PKD1L3: variants seen among roughly 807,000 people sequenced by gnomAD.
The protein encoded by PKD1L3 is polycystin 1 like 3, transient receptor potential channel interacting, also known as polycystin-1-like protein 3.
In PKD1L3, 239 loss-of-function variants were observed where a neutral mutation model predicts 184.1. That is an observed-to-expected ratio of 1.30 (90% CI 1.17 to 1.45). PKD1L3 has a LOEUF of 1.45. Among genes scored for constraint, PKD1L3 ranks in the 40% most tolerant of loss-of-function variants. PKD1L3 has a pLI of 0.00. For synonymous variants in PKD1L3, 996 were observed against 778.8 expected, an observed-to-expected ratio of 1.28 and a Z score of -4.64; for missense variants, 2,660 against 2,067.2, an observed-to-expected ratio of 1.29 and a Z score of -5.56.
At chr16:71,997,385 G>A (rs1417249037) in intron 2 of PKD1L3, among the ~76,000 whole-genome samples, 2 of 149,798 alleles carry the variant, frequency 1.3e-5, no homozygotes, top group African/African-American at 5.0e-5. Flanking sequence ...CCAGGAGTTC[G>A]AGACCAGCCT....
chr16:71,945,583 C>G (rs2038572108), intron 22 of PKD1L3, among the ~76,000 whole-genome samples: 1 of 151,520 alleles, frequency 6.6e-6, no homozygotes, highest in East Asian at 1.9e-4. Flanking sequence ...GAGGCTGACA[C>G]AGGAGAACTG....
At chr16:71,965,112 T>C (rs1322181838) in intron 15 of PKD1L3, among the ~76,000 whole-genome samples, 1 of 152,126 alleles carries the variant, frequency 6.6e-6, no homozygotes, top group Non-Finnish European at 1.5e-5. Context: ...CCCCCCAAAG[T>C]GCTGAGATTA....
Position 71,952,923 on chromosome 16 carries a change from C to G in PKD1L3, c.2980G>C (p.Glu994Gln). The change falls in exon 18 of 30, where the codon GAG becomes CAG. Residue 994 changes from glutamate (E) to glutamine (Q), a missense_variant. By Grantham distance (29) the Glu-to-Gln change is conservative. Coordinates refer to ENST00000620267, the MANE Select transcript of PKD1L3 (RefSeq NM_181536.2). ...QASCLSDASVEPLSATMVVEE... is the reference protein window; with the variant it reads ...QASCLSDASVQPLSATMVVEE... Reference sequence around the variant, plus strand: ...ACTACCATTGTGGCAGAGAGAGGCTCAACAGAAGCATCTGAGAGGCAGGAG... The same window carrying G: ...ACTACCATTGTGGCAGAGAGAGGCTGAACAGAAGCATCTGAGAGGCAGGAG... The G allele has an allele frequency of 6.5e-7, 1 of 1,550,326 alleles. No individual in the cohort carries two copies. The highest frequency in any genetic ancestry group is 8.7e-7 in the Non-Finnish European group (1 of 1,146,740).
chr16:71,991,270 G>T (rs568376781), intron 3 of PKD1L3: 3 of 230,894 alleles, frequency 1.3e-5, no homozygotes, highest in East Asian at 2.2e-4. Context: ...TCTTGGCCAG[G>T]AATCACATGA....
In PKD1L3 at chr16:71,967,162, C is replaced by T; in HGVS notation, c.2440G>A (p.Asp814Asn). The T allele has an allele frequency of 6.4e-7, 1 of 1,551,664 alleles. No homozygotes were observed. ...GNLHSLRLWH[D>N]NSGVSPSWYV... ...CAGGAGGGACTGACGCCAGAATTGT[C>T]ATGCCAGAGCCGAAGGCTGTGCAGG... Residue 814 changes from aspartate to asparagine, a missense_variant, in exon 15 of 30, where the codon GAC (aspartate) becomes AAC (asparagine). By Grantham distance (23) the Asp-to-Asn change is conservative (BLOSUM62 1). Coordinates refer to ENST00000620267, the MANE Select transcript of PKD1L3 (RefSeq NM_181536.2).
At chr16:71,943,106 T>G (rs1210785948) in intron 23 of PKD1L3, 82 bp from the exon 24 acceptor site, 1 of 1,171,048 alleles carries the variant, frequency 8.5e-7, no homozygotes, top group Non-Finnish European at 1.2e-6. Flanking sequence ...TTCCTAAGTC[T>G]ATAGACTTAT....
rs58831890 is a variant in PKD1L3, at chr16:71,945,396, ATATTTATT to A, written c.3719-1234_3719-1227del. ...CACGCACACACACATATATATATAT[ATATTTATT>A]TATTTATTTATTTATTTATTTATAT... On this transcript the variant is annotated intron_variant, in intron 22 of 29. Coordinates refer to ENST00000620267, the MANE Select transcript of PKD1L3 (RefSeq NM_181536.2). Among the ~76,000 whole-genome samples the A allele has an allele frequency of 1.0e-3, 43 of 41,742 alleles. 2 individuals are homozygous for A. Among genetic ancestry groups the A allele is most frequent in the African/African-American group, 1.6e-3 (27 of 17,148 alleles). The allele number at this position is 41,742 out of a possible 152,430, so 27.4% of individuals were successfully genotyped here.
intron 3 of PKD1L3, among the ~76,000 whole-genome samples, chr16:71,992,790 A>T (rs768378263): frequency 6.6e-6 from 1 of 152,136 alleles, no homozygotes; most frequent in African/African-American, 2.4e-5. Context: ...GATCTGTTTC[A>T]CTTCTTTCTT....
At chr16:71,998,743 A>T (rs1351968147) in intron 1 of PKD1L3, among the ~76,000 whole-genome samples, 2 of 151,902 alleles carry the variant, frequency 1.3e-5, no homozygotes, top group Non-Finnish European at 2.9e-5. Flanking sequence ...GAGCCACCAC[A>T]CCCACCCTGC....
chr16:71,991,557 T>C (rs2040591402), intron 3 of PKD1L3, among the ~76,000 whole-genome samples: 1 of 152,160 alleles, frequency 6.6e-6, no homozygotes, highest in African/African-American at 2.4e-5. Context: ...TGTAAGGTGC[T>C]CTCCTAACAA....
rs183560979 is a variant in PKD1L3, at chr16:71,951,751, G to A, written c.3010-7C>T. On this transcript the variant is annotated splice_polypyrimidine_tract_variant and splice_region_variant and intron_variant, in intron 18 of 29. Coordinates refer to ENST00000620267, the MANE Select transcript of PKD1L3 (RefSeq NM_181536.2). ...TCACAGTTTCCTTTAATTCCTGAAT[G>A]TAGGACCAGATGAGAAAAATCAGCC... 11 of 1,546,130 alleles carry A rather than the reference G, an allele frequency of 7.1e-6. No individual in the cohort carries two copies. Among genetic ancestry groups the A allele is most frequent in the Non-Finnish European group, 8.7e-6 (10 of 1,144,300 alleles).
chr16:71,944,750 A>G (rs2038501679), intron 22 of PKD1L3, among the ~76,000 whole-genome samples: 1 of 129,220 alleles, frequency 7.7e-6, no homozygotes, highest in African/African-American at 2.9e-5. Flanking sequence ...TCGAGGCTGG[A>G]GTGCAATGCA....
chr16:71,953,991 G>C, intron 17 of PKD1L3, 114 bp downstream of exon 17: 1 of 856,546 alleles, frequency 1.2e-6, no homozygotes, highest in South Asian at 2.4e-5. Flanking sequence ...TGAGGCAGGA[G>C]GATCACTTGA....
chr16:71,963,380 G>A (rs1175652531), intron 15 of PKD1L3, 29 bp from the exon 16 acceptor site: 2 of 1,524,250 alleles, frequency 1.3e-6, no homozygotes, highest in Admixed American at 2.1e-5. Context: ...AACCACATTA[G>A]GGAGATGGGC....
At chr16:71,965,746 G>C (rs1386922409) in intron 15 of PKD1L3, among the ~76,000 whole-genome samples, 1 of 151,738 alleles carries the variant, frequency 6.6e-6, no homozygotes, top group African/African-American at 2.4e-5. Context: ...TAGAGACAGG[G>C]TTTCACCATG....
intron 5 of PKD1L3, among the ~76,000 whole-genome samples, chr16:71,985,065 T>A (rs1001812346): frequency 5.9e-5 from 9 of 152,130 alleles, no homozygotes; most frequent in Admixed American, 3.3e-4. Flanking sequence ...GGAGAATACC[T>A]CACTCACAGC....
In PKD1L3 at chr16:71,993,198, A is replaced by G. The variant is rs528668813; in HGVS notation, c.535+18T>C. On this transcript the variant is annotated intron_variant, in intron 3 of 29. Coordinates refer to ENST00000620267, the MANE Select transcript of PKD1L3 (RefSeq NM_181536.2). ...GATTCCACGGATTTTTAAGGTTACT[A>G]GAGGAGTAACGCATTACCTGGGGGC... is the stretch of plus-strand genomic sequence containing the variant. 1.4e-6 allele frequency: 2 copies of G among 1,473,618 alleles called. No homozygotes were observed. Among genetic ancestry groups the G allele is most frequent in the Middle Eastern group, 1.7e-4 (1 of 5,784 alleles). The allele number at this position is 1,473,618 out of a possible 1,614,324, so 91.3% of individuals were successfully genotyped here.
intron 19 of PKD1L3, among the ~76,000 whole-genome samples, chr16:71,951,041 C>T (rs933813724): frequency 2.7e-5 from 4 of 149,154 alleles, no homozygotes; most frequent in East Asian, 2.0e-4. Flanking sequence ...CCCTGCCCGA[C>T]CTGTGTTTTT....
intron 4 of PKD1L3, among the ~76,000 whole-genome samples, chr16:71,988,252 C>T (rs905203070): frequency 3.3e-5 from 5 of 152,056 alleles, no homozygotes; most frequent in Admixed American, 1.3e-4. Context: ...TGGAGTTCAG[C>T]GGTGCGATCT....
Sources: allele counts gnomAD v4.1 joint callset (sites outside exome capture counted in the v4.1 genomes callset), GRCh38; gene constraint gnomAD v4.1.1; transcripts MANE v1.5; gene names NCBI Gene and HGNC (gene_info 2026-07-23, HGNC 2026-07-21).